The following TTC39B variants were observed in gnomAD, a reference collection of about 807,000 sequenced individuals.
TTC39B encodes the protein tetratricopeptide repeat protein 39B.
Under a neutral mutation model 96.6 loss-of-function variants are expected in TTC39B, and 92 were observed. That is an observed-to-expected ratio of 0.95 (90% confidence interval 0.80 to 1.13). The LOEUF (loss-of-function observed/expected upper bound fraction) is 1.13, where lower values mean the gene tolerates loss of function less well. TTC39B is among the 50% of genes most tolerant of loss of function. The pLI is 0.00. For missense variants in TTC39B, 955 were observed against 809.3 expected, an observed-to-expected ratio of 1.18 and a Z score of -2.18; for synonymous variants, 367 against 299.4, an observed-to-expected ratio of 1.23 and a Z score of -2.33.
exon 20 of TTC39B, chr9:15,166,175 A>C (rs1327459554): frequency 6.6e-6 from 1 of 152,220 alleles, no homozygotes; most frequent in African/African-American, 2.4e-5. Context: ...TTAATATTCA[A>C]CAAGTTTCAC....
At chr9:15,284,727 T>C (rs1587007171) in intron 1 of TTC39B, among the ~76,000 whole-genome samples, 2 of 152,300 alleles carry the variant, frequency 1.3e-5, no homozygotes, top group East Asian at 3.9e-4. Context: ...GCTGGTCTCT[T>C]CTGAGGAGAG....
At chr9:15,214,302 G>A in intron 3 of TTC39B, 53 bp from the exon 4 acceptor site, 1 of 1,328,514 alleles carries the variant, frequency 7.5e-7, no homozygotes, top group Non-Finnish European at 1.1e-6. Flanking sequence ...CGATCAGCAA[G>A]TTGTCCGAAG....
chr9:15,165,694 G>C (rs1210522022), exon 20 of TTC39B: 1 of 152,252 alleles, frequency 6.6e-6, no homozygotes, highest in African/African-American at 2.4e-5. Flanking sequence ...CTGAGCAAAG[G>C]GGGAAAAGCC....
chr9:15,204,080 T>C (rs902950680), intron 6 of TTC39B, among the ~76,000 whole-genome samples, 190 bp from the exon 7 acceptor site: 4 of 152,222 alleles, frequency 2.6e-5, no homozygotes, highest in African/African-American at 7.2e-5. Flanking sequence ...TCCTGGAATG[T>C]GTGAAGTGTT....
At chr9:15,204,616 T>C (rs1030058178) in intron 6 of TTC39B, among the ~76,000 whole-genome samples, 1 of 151,554 alleles carries the variant, frequency 6.6e-6, no homozygotes, top group African/African-American at 2.4e-5. Context: ...TTCTAAAATA[T>C]GAAGGTATGG....
At chr9:15,292,218 G>C (rs1489732583) in intron 1 of TTC39B, among the ~76,000 whole-genome samples, 1 of 152,130 alleles carries the variant, frequency 6.6e-6, no homozygotes, top group Non-Finnish European at 1.5e-5. Context: ...GCTAAATACA[G>C]ACAAAAGCCG....
intron 1 of TTC39B, among the ~76,000 whole-genome samples, chr9:15,286,194 C>A (rs1428224065): frequency 2.6e-5 from 4 of 152,228 alleles, no homozygotes; most frequent in South Asian, 4.1e-4. Flanking sequence ...CCAGCAATGT[C>A]CTTCACAGCA....
intron 18 of TTC39B, among the ~76,000 whole-genome samples, chr9:15,176,662 G>A (rs889617766): frequency 9.2e-5 from 14 of 152,082 alleles, no homozygotes; most frequent in African/African-American, 2.2e-4. Flanking sequence ...CAGGCTTCTC[G>A]TGAAAAATGG....
At chr9:15,195,243 C>T (rs1186798299) in intron 8 of TTC39B, among the ~76,000 whole-genome samples, 2 of 152,156 alleles carry the variant, frequency 1.3e-5, no homozygotes, top group African/African-American at 4.8e-5. Flanking sequence ...TCCCTTAAGC[C>T]AAAGCCTAAT....
intron 1 of TTC39B, among the ~76,000 whole-genome samples, chr9:15,278,065 T>TA (rs1260902554): frequency 6.6e-6 from 1 of 152,170 alleles, no homozygotes. Flanking sequence ...ATTAGAGAGC[T>TA]AAAAAAGAAA....
exon 18 of TTC39B, chr9:15,177,744 T>C (rs775035358): frequency 1.2e-6 from 2 of 1,613,728 alleles, no homozygotes; most frequent in East Asian, 4.5e-5. Context: ...AGGGCCGCTG[T>C]AAGTTCTTGA....
At chr9:15,167,028 A>ATATATTTTTT (rs1554758710) in exon 20 of TTC39B, 1 of 11,034 alleles carries the variant, frequency 9.1e-5, no homozygotes, top group Non-Finnish European at 1.6e-4. Context: ...ATATATATAT[A>ATATATTTTTT]TTTTTTTTTT....
rs754328219 is a variant in TTC39B, at chr9:15,189,760, G to A, written c.1138C>T (p.Arg380Cys). The A allele has an allele frequency of 6.2e-6, 10 of 1,613,302 alleles. No individual in the cohort carries two copies. The highest frequency in any genetic ancestry group is 2.2e-5 in the East Asian group (1 of 44,878). The change falls in exon 12 of 20, where the codon CGT becomes TGT. Residue 380 changes from arginine to cysteine, a missense_variant. Physicochemically the swap from Arg to Cys is radical, Grantham distance 180 (BLOSUM62 -3). Transcript: ENST00000512701. Reference sequence around the variant, plus strand: ...TGCTGGAGGAAGGGTGCCAGGAGACGCTCTGCTTCCGCAACATTCACTTCT... The same window carrying A: ...TGCTGGAGGAAGGGTGCCAGGAGACACTCTGCTTCCGCAACATTCACTTCT...
chr9:15,234,443 T>C (rs1412921027), intron 2 of TTC39B, among the ~76,000 whole-genome samples: 7 of 150,964 alleles, frequency 4.6e-5, no homozygotes, highest in East Asian at 2.0e-4. Context: ...CCGCCCCGTC[T>C]GGGAGGTGAG....
intron 3 of TTC39B, among the ~76,000 whole-genome samples, chr9:15,223,496 T>C (rs1820958051): frequency 6.6e-6 from 1 of 152,172 alleles, no homozygotes; most frequent in African/African-American, 2.4e-5. Flanking sequence ...AGCAAATAGC[T>C]AGTTGTGGAA....
At chr9:15,167,197 C>T (rs1401889027) in exon 20 of TTC39B, 5 of 106,998 alleles carry the variant, frequency 4.7e-5, no homozygotes, top group South Asian at 3.6e-4. Flanking sequence ...CCACCATGCA[C>T]GGCTCATTTT....
At chr9:15,217,894 T>A (rs1564358099) in intron 3 of TTC39B, among the ~76,000 whole-genome samples, 1 of 152,072 alleles carries the variant, frequency 6.6e-6, no homozygotes, top group South Asian at 2.1e-4. Flanking sequence ...CAGACCGGAA[T>A]GATGAGCAAG....
chr9:15,203,576 G>C (rs1267889738), intron 7 of TTC39B, among the ~76,000 whole-genome samples: 1 of 152,008 alleles, frequency 6.6e-6, no homozygotes, highest in Non-Finnish European at 1.5e-5. Flanking sequence ...TTTCTTTAAA[G>C]ACACAGTCTT....
chr9:15,229,440 T>C (rs1176471623), intron 2 of TTC39B, among the ~76,000 whole-genome samples: 2 of 152,240 alleles, frequency 1.3e-5, no homozygotes, highest in Non-Finnish European at 2.9e-5. Context: ...TTATGTTAAC[T>C]TGTAGATTTT....
Sources: allele counts gnomAD v4.1 joint callset (sites outside exome capture counted in the v4.1 genomes callset), GRCh38; gene constraint gnomAD v4.1.1; transcripts MANE v1.5; gene names NCBI Gene and HGNC (gene_info 2026-07-23, HGNC 2026-07-21).